The following PTGFRN variants were observed in gnomAD, a reference collection of about 807,000 sequenced individuals.
The protein encoded by PTGFRN is prostaglandin F2 receptor negative regulator.
Under a neutral mutation model 83.2 loss-of-function variants are expected in PTGFRN, and 35 were observed. The observed-to-expected ratio is 0.42, with a 90% CI of 0.32 to 0.56. The LOEUF is 0.56. Among genes scored for constraint, PTGFRN ranks in the 20% least tolerant of loss-of-function variants. PTGFRN has a pLI of 0.11. For synonymous variants in PTGFRN, 519 were observed against 498.6 expected (o/e 1.04, Z -0.55); for missense variants, 1,051 against 1,179.5 (o/e 0.89, Z 1.60).
chr1:116,983,056 AC>A lies in PTGFRN; in HGVS notation c.2168-1623del, dbSNP rs146279293. The stretch of plus-strand genomic sequence containing the variant: ...GAGATAATGTTGTTCATGGTGACCA[AC>A]TTTTATTGAGTACTTACTGTGTTCC... On this transcript the variant is annotated intron_variant, in intron 7 of 8. Coordinates refer to ENST00000393203, the MANE Select transcript of PTGFRN (RefSeq NM_020440.4). Among the ~76,000 whole-genome samples the A allele has an allele frequency of 4.8e-3, 735 of 152,304 alleles. 4 individuals carry two copies. Among genetic ancestry groups the A allele is most frequent in the African/African-American group, 0.017 (706 of 41,552 alleles).
intron 1 of PTGFRN, among the ~76,000 whole-genome samples, chr1:116,915,811 G>A (rs1046686038): frequency 6.6e-6 from 1 of 152,188 alleles, no homozygotes; most frequent in Non-Finnish European, 1.5e-5. Flanking sequence ...TAGCTGTTTT[G>A]TTTAATTGCA....
At chr1:116,914,331 C>A (rs114267683) in intron 1 of PTGFRN, among the ~76,000 whole-genome samples, 2,816 of 152,306 alleles carry the variant, frequency 0.018, 76 homozygotes, top group African/African-American at 0.061. Context: ...AGACTTTGGG[C>A]CCATGCCACA....
chr1:116,985,994 A>G (rs4659049), intron 8 of PTGFRN, among the ~76,000 whole-genome samples: 83,312 of 152,050 alleles, frequency 0.55, 23,009 homozygotes, highest in East Asian at 0.67. Flanking sequence ...AGGATGAGTA[A>G]AAGCCTTTTG....
intron 2 of PTGFRN, among the ~76,000 whole-genome samples, chr1:116,943,665 A>G (rs914610006): frequency 1.3e-5 from 2 of 152,188 alleles, no homozygotes; most frequent in African/African-American, 4.8e-5. Context: ...GAACTGAGTC[A>G]TATTAGCCAG....
chr1:116,986,347 G>C (rs1651483489), intron 8 of PTGFRN, among the ~76,000 whole-genome samples: 2 of 152,172 alleles, frequency 1.3e-5, no homozygotes, highest in Admixed American at 1.3e-4. Flanking sequence ...AAACAGGGGA[G>C]TGATTATTCA....
At chr1:116,962,619 C>G (rs901684763) in intron 5 of PTGFRN, 6 of 152,606 alleles carry the variant, frequency 3.9e-5, no homozygotes. Context: ...ATCATGTCCT[C>G]TATCCTATTT....
intron 5 of PTGFRN, among the ~76,000 whole-genome samples, chr1:116,965,856 G>A (rs1289736560): frequency 1.3e-5 from 2 of 152,180 alleles, no homozygotes; most frequent in African/African-American, 4.8e-5. Context: ...ATGGAAGGCT[G>A]TCAATAAATA....
At chr1:116,919,940 G>T (rs1023804842) in intron 1 of PTGFRN, among the ~76,000 whole-genome samples, 1 of 152,200 alleles carries the variant, frequency 6.6e-6, no homozygotes, top group East Asian at 1.9e-4. Flanking sequence ...GTAAAATAAG[G>T]GTTGGGCTAG....
intron 7 of PTGFRN, among the ~76,000 whole-genome samples, chr1:116,984,137 T>C (rs1651396597): frequency 6.6e-6 from 1 of 152,222 alleles, no homozygotes; most frequent in South Asian, 2.1e-4. Flanking sequence ...AGAAAAACCA[T>C]AGTGTACAAT....
intron 2 of PTGFRN, among the ~76,000 whole-genome samples, chr1:116,944,197 C>G (rs369599230): frequency 6.6e-6 from 1 of 152,178 alleles, no homozygotes; most frequent in African/African-American, 2.4e-5. Flanking sequence ...GCAGATTCTG[C>G]GGGCTCCCTA....
chr1:116,921,520 G>C (rs1468687579), intron 1 of PTGFRN, among the ~76,000 whole-genome samples: 2 of 152,180 alleles, frequency 1.3e-5, no homozygotes, highest in African/African-American at 4.8e-5. Flanking sequence ...ACAGCACAGG[G>C]TACTGAGTCA....
chr1:116,975,639 C>T (rs923483924), intron 7 of PTGFRN, among the ~76,000 whole-genome samples: 3 of 152,220 alleles, frequency 2.0e-5, no homozygotes, highest in Non-Finnish European at 4.4e-5. Flanking sequence ...CCAGCAAACT[C>T]CAACAGACCT....
At chr1:116,917,321 G>A (rs924747866) in intron 1 of PTGFRN, among the ~76,000 whole-genome samples, 6 of 152,184 alleles carry the variant, frequency 3.9e-5, no homozygotes, top group African/African-American at 1.4e-4. Flanking sequence ...CAGGATCCAG[G>A]CGTCTCTAAG....
rs1650163721 is a variant in PTGFRN at position 116,945,101 on chromosome 1, G to A, written c.832+9G>A. 6.2e-7 allele frequency: 1 copy of A among 1,607,596 alleles called. No individual in the cohort carries two copies. Among genetic ancestry groups the A allele is most frequent in the Non-Finnish European group, 8.5e-7 (1 of 1,177,012 alleles). On this transcript the variant is annotated intron_variant, in intron 3 of 8. Transcript: ENST00000393203. ...GGTGATCCAGCCATCAGGTGAGCTG[G>A]AAACGATGCGTTATAGGTGATGTTA... is the stretch of plus-strand genomic sequence containing the variant.
intron 1 of PTGFRN, among the ~76,000 whole-genome samples, chr1:116,919,125 A>G (rs563926251): frequency 2.0e-5 from 3 of 152,340 alleles, no homozygotes; most frequent in African/African-American, 7.2e-5. Flanking sequence ...TGACATAAGC[A>G]TTTATTCAGA....
At chr1:116,925,272 A>C (rs540650096) in intron 1 of PTGFRN, among the ~76,000 whole-genome samples, 30 of 152,204 alleles carry the variant, frequency 2.0e-4, no homozygotes, top group African/African-American at 6.7e-4. Flanking sequence ...CGTTAAAAAT[A>C]CAAAAATTAG....
Position 116,987,070 on chromosome 1 carries a change from CCT to C in PTGFRN, c.*108_*109del. 6 of 1,369,452 alleles carry C rather than the reference CCT, an allele frequency of 4.4e-6. No individual in the cohort carries two copies. The highest frequency in any genetic ancestry group is 2.0e-5 in the Admixed American group (1 of 50,904). The allele number at this position is 1,369,452 out of a possible 1,614,324, so 84.8% of individuals were successfully genotyped here. ...AAAGTGTGTTACACTAAAAACCAGT[CCT>C]CTCTAATCTCAGGTGGGACTTGGCG... On this transcript the variant is annotated 3_prime_UTR_variant, in exon 9 of 9. Coordinates refer to ENST00000393203, the MANE Select transcript of PTGFRN (RefSeq NM_020440.4).
At position 116,967,040 on chromosome 1, in the gene PTGFRN, A is replaced by G. The variant is rs1650859326; in HGVS notation, c.1769A>G (p.Glu590Gly). 1 of 1,614,242 alleles carries G rather than the reference A, an allele frequency of 6.2e-7. No homozygotes were observed. The highest frequency in any genetic ancestry group is 8.5e-7 in the Non-Finnish European group (1 of 1,180,052). Residue 590 changes from glutamate (E) to glycine (G), a missense_variant, in exon 6 of 9, where the codon GAG becomes GGG. By Grantham distance (98) the Glu-to-Gly change is moderately conservative. Coordinates refer to ENST00000393203, the MANE Select transcript of PTGFRN (RefSeq NM_020440.4). ...CGCTACTCTGTTCTCATCATGGCTG[A>G]GAAGCCTGTCGGCGACCTCTCCAGT... ...SPRYSVLIMA[E>G]KPVGDLSSPN...
intron 7 of PTGFRN, among the ~76,000 whole-genome samples, chr1:116,975,888 G>A (rs963465810): frequency 2.6e-5 from 4 of 152,228 alleles, no homozygotes; most frequent in Non-Finnish European, 5.9e-5. Flanking sequence ...ATTTTGACAA[G>A]TTGAGAGAAG....
Sources: allele counts gnomAD v4.1 joint callset (sites outside exome capture counted in the v4.1 genomes callset), GRCh38; gene constraint gnomAD v4.1.1; transcripts MANE v1.5; gene names NCBI Gene and HGNC (gene_info 2026-07-23, HGNC 2026-07-21).